Variants in RARB observed in about 807,000 individuals in gnomAD.
The protein encoded by RARB is HBV-activated protein.
Under a neutral mutation model 51.9 loss-of-function variants are expected in RARB, and 17 were observed. The observed-to-expected ratio is 0.33, with a 90% CI of 0.22 to 0.49. RARB has a LOEUF of 0.49. RARB is among the 20% of genes least tolerant of loss of function. The probability of loss-of-function intolerance (pLI) is 0.99; values close to 1 mark genes in which losing one functional copy is unlikely to be tolerated. For missense variants in RARB, 369 were observed against 550.8 expected, an observed-to-expected ratio of 0.67 and a Z score of 3.30; for synonymous variants, 215 against 195.4, an observed-to-expected ratio of 1.10 and a Z score of -0.84.
At chr3:25,245,972 G>C (rs537048934) in intron 5 of RARB, among the ~76,000 whole-genome samples, 49 of 152,052 alleles carry the variant, frequency 3.2e-4, no homozygotes, top group African/African-American at 1.2e-3. Flanking sequence ...ACGTGGGTTT[G>C]GTCTTTTCAC....
At chr3:25,428,016 T>C (rs1708046412), upstream of RARB, among the ~76,000 whole-genome samples, 1 of 152,156 alleles carries the variant, frequency 6.6e-6, no homozygotes. Flanking sequence ...CCTCCCCTGC[T>C]CATTTTAAAA....
chr3:25,446,534 T>A (rs753664657), intron 1 of RARB, among the ~76,000 whole-genome samples: 3 of 152,174 alleles, frequency 2.0e-5, no homozygotes, highest in Non-Finnish European at 4.4e-5. Flanking sequence ...CCGGGCGCAG[T>A]GGCTCACGCC....
chr3:25,556,021 C>T (rs540348976), intron 3 of RARB, among the ~76,000 whole-genome samples: 14 of 137,490 alleles, frequency 1.0e-4, no homozygotes, highest in South Asian at 2.2e-4. Context: ...TTTTTTTTGA[C>T]CCCTTAGCAG....
In RARB at chr3:25,323,171, C is replaced by T. The variant is rs137937224; in HGVS notation, c.179-138022C>T. Among the ~76,000 whole-genome samples, 277 of 152,254 alleles carry T rather than the reference C, an allele frequency of 1.8e-3. No homozygotes were observed. In the Middle Eastern group the frequency reaches 0.027, roughly 15 times the overall value. On this transcript the variant is annotated intron_variant, in intron 5 of 11. Transcript: ENST00000383772. ...TGGAGGCTCAAGGCAAAAACAGAAG[C>T]CATGTGATCTCTGAAGCTCTGGGCC... is the stretch of plus-strand genomic sequence containing the variant.
chr3:25,010,789 T>C (rs2125279791), intron 2 of RARB, among the ~76,000 whole-genome samples: 1 of 152,256 alleles, frequency 6.6e-6, no homozygotes, highest in African/African-American at 2.4e-5. Context: ...TCCCCGATCC[T>C]TCTTTGGTCA....
intron 2 of RARB, among the ~76,000 whole-genome samples, chr3:24,865,154 T>TAA (rs1702823577): frequency 6.6e-6 from 1 of 152,152 alleles, no homozygotes; most frequent in African/African-American, 2.4e-5. Flanking sequence ...TAGGCCCTAA[T>TAA]AAAAGGTTGA....
chr3:25,334,615 A>C (rs1449772140), intron 5 of RARB, among the ~76,000 whole-genome samples: 1 of 152,206 alleles, frequency 6.6e-6, no homozygotes, highest in Non-Finnish European at 1.5e-5. Context: ...CCAACGTGGC[A>C]CATGTATACA....
At chr3:25,559,669 T>G (rs1183626553) in intron 3 of RARB, among the ~76,000 whole-genome samples, 1 of 152,094 alleles carries the variant, frequency 6.6e-6, no homozygotes, top group African/African-American at 2.4e-5. Context: ...GATGGGTGGA[T>G]GGTTAATTGG....
intron 5 of RARB, among the ~76,000 whole-genome samples, chr3:25,320,457 A>G (rs543880205): frequency 6.6e-5 from 10 of 152,296 alleles, no homozygotes; most frequent in African/African-American, 2.4e-4. Flanking sequence ...GGGCCAGGAC[A>G]TACAACCGAA....
At chr3:25,212,456 A>G (rs1001807605) in intron 5 of RARB, among the ~76,000 whole-genome samples, 2 of 152,176 alleles carry the variant, frequency 1.3e-5, no homozygotes, top group South Asian at 2.1e-4. Flanking sequence ...CTTCTCTACT[A>G]AAAATACAAA....
chr3:24,923,406 G>A (rs1036575921), intron 2 of RARB, among the ~76,000 whole-genome samples: 3 of 151,872 alleles, frequency 2.0e-5, no homozygotes, highest in Admixed American at 1.3e-4. Flanking sequence ...ACAGTAATGC[G>A]GTATAATTAG....
At chr3:25,198,120 A>G (rs1398405488) in intron 5 of RARB, among the ~76,000 whole-genome samples, 2 of 152,020 alleles carry the variant, frequency 1.3e-5, no homozygotes, top group Non-Finnish European at 2.9e-5. Context: ...AATAAATCCC[A>G]TCATCTACAG....
intron 2 of RARB, among the ~76,000 whole-genome samples, chr3:24,938,446 A>G (rs1033593812): frequency 6.6e-6 from 1 of 152,086 alleles, no homozygotes; most frequent in Admixed American, 6.6e-5. Flanking sequence ...TTTTCAGTCC[A>G]GTAGATATTC....
intron 2 of RARB, among the ~76,000 whole-genome samples, chr3:24,859,027 ACT>A (rs1189173480): frequency 8.0e-6 from 1 of 124,820 alleles, no homozygotes; most frequent in African/African-American, 3.3e-5. Flanking sequence ...ACAGAGCAAG[ACT>A]CTGTCTCAAA....
chr3:24,876,795 CATG>C (rs774006537), intron 2 of RARB, among the ~76,000 whole-genome samples: 1 of 152,088 alleles, frequency 6.6e-6, no homozygotes, highest in Non-Finnish European at 1.5e-5. Flanking sequence ...CGTATGGAAA[CATG>C]ATGCCAATTA....
chr3:25,511,917 G>A lies in RARB; in HGVS notation c.448+10594G>A, dbSNP rs758453356. ...CTGTCACAGTGGATTTTAAGCATCC[G>A]GGGGAACTGATGGAGGGATGCAGTA... On this transcript the variant is annotated intron_variant, in intron 3 of 7. Transcript: ENST00000330688. Among the ~76,000 whole-genome samples the A allele has an allele frequency of 7.8e-4, 119 of 152,124 alleles. 1 individual carries two copies. Among genetic ancestry groups the A allele is most frequent in the Non-Finnish European group, 2.4e-4 (16 of 68,020 alleles).
In RARB at chr3:24,973,481, T is replaced by C. The variant is rs139835565; in HGVS notation, c.-379-86644T>C. Among the ~76,000 whole-genome samples, 88 of 152,154 alleles carry C rather than the reference T, an allele frequency of 5.8e-4. 2 individuals are homozygous for C. The East Asian group carries it at 0.015, about 27-fold the overall frequency. On this transcript the variant is annotated intron_variant, in intron 2 of 11. Transcript: ENST00000383772. ...TTATGTTTCTATACAAATTTTAGAATTTTTTTGTTTCTATGGAGAATATAA... is the reference window on the plus strand; with the variant it reads ...TTATGTTTCTATACAAATTTTAGAACTTTTTTGTTTCTATGGAGAATATAA...
rs572210262 is a variant in RARB, at chr3:25,168,607, C to G, written c.-279-5512C>G. On this transcript the variant is annotated intron_variant, in intron 4 of 11. Transcript: ENST00000383772. ...AGAACAATGTATAAATAAGAAAAGA[C>G]AAGAAAAACTTTTAGATGTTAAAAA... is the stretch of plus-strand genomic sequence containing the variant. Among the ~76,000 whole-genome samples, 3 of 151,830 alleles carry G rather than the reference C, an allele frequency of 2.0e-5. No individual in the cohort carries two copies. The South Asian group carries it at 6.3e-4, about 32-fold the overall frequency.
At chr3:24,980,177 C>T (rs762037168) in intron 2 of RARB, among the ~76,000 whole-genome samples, 1 of 152,152 alleles carries the variant, frequency 6.6e-6, no homozygotes, top group Non-Finnish European at 1.5e-5. Flanking sequence ...GGTAACCTGA[C>T]CTTTCTCTCT....
Sources: allele counts gnomAD v4.1 joint callset (sites outside exome capture counted in the v4.1 genomes callset), GRCh38; gene constraint gnomAD v4.1.1; transcripts MANE v1.5; gene names NCBI Gene and HGNC (gene_info 2026-07-23, HGNC 2026-07-21).